Variants in ADAMTSL3 observed in about 807,000 individuals in gnomAD.
The protein encoded by ADAMTSL3 is ADAMTS like 3, also known as ADAMTS-like protein 3.
In ADAMTSL3, 128 loss-of-function variants were observed where a neutral mutation model predicts 201.7. The observed-to-expected ratio is 0.63, with a 90% confidence interval of 0.55 to 0.73. ADAMTSL3 has a LOEUF of 0.73. Among genes scored for constraint, ADAMTSL3 ranks in the 30% least tolerant of loss-of-function variants. ADAMTSL3 has a pLI of 0.00. For synonymous variants in ADAMTSL3, 738 were observed against 748.4 expected, an observed-to-expected ratio of 0.99 and a Z score of 0.23; for missense variants, 1,990 against 2,119.6, an observed-to-expected ratio of 0.94 and a Z score of 1.20.
chr15:83,707,242 G>C (rs2061865955), intron 3 of ADAMTSL3, among the ~76,000 whole-genome samples: 1 of 152,152 alleles, frequency 6.6e-6, no homozygotes, highest in South Asian at 2.1e-4. Context: ...GATTTGGATG[G>C]TATCTACCTT....
chr15:83,661,704 A>G (rs2061166239), intron 2 of ADAMTSL3, among the ~76,000 whole-genome samples: 2 of 152,086 alleles, frequency 1.3e-5, no homozygotes, highest in South Asian at 2.1e-4. Context: ...AGAATCTACA[A>G]TGAACTCAAA....
chr15:83,980,528 G>T (rs2067369255), intron 20 of ADAMTSL3, among the ~76,000 whole-genome samples: 1 of 152,018 alleles, frequency 6.6e-6, no homozygotes, highest in African/African-American at 2.4e-5. Flanking sequence ...GGCTTAACTG[G>T]CTGGGCCATT....
chr15:83,764,936 T>C (rs1392450344), intron 3 of ADAMTSL3, among the ~76,000 whole-genome samples: 2 of 152,064 alleles, frequency 1.3e-5, no homozygotes, highest in African/African-American at 4.8e-5. Context: ...AGGAGCAGAA[T>C]GTGTGTCCTG....
intron 19 of ADAMTSL3, 70 bp downstream of exon 19, chr15:83,943,152 C>T: frequency 6.0e-6 from 9 of 1,499,874 alleles, no homozygotes; most frequent in Non-Finnish European, 8.0e-6. Flanking sequence ...CTAAATATTT[C>T]CACAAGATCA....
chr15:83,736,514 G>T (rs749761870), intron 3 of ADAMTSL3, among the ~76,000 whole-genome samples: 1 of 152,168 alleles, frequency 6.6e-6, no homozygotes, highest in Non-Finnish European at 1.5e-5. Flanking sequence ...AAAGTGGGCA[G>T]TTTATATACA....
chr15:83,880,287 C>T (rs1235159311), intron 9 of ADAMTSL3, among the ~76,000 whole-genome samples: 2 of 152,126 alleles, frequency 1.3e-5, no homozygotes, highest in Non-Finnish European at 2.9e-5. Flanking sequence ...TGTCTAATTT[C>T]CACTTTCTTT....
chr15:83,992,056 G>C (rs2067591277), intron 23 of ADAMTSL3, among the ~76,000 whole-genome samples: 1 of 152,156 alleles, frequency 6.6e-6, no homozygotes, highest in African/African-American at 2.4e-5. Flanking sequence ...GTATGCCTTT[G>C]ATTTCCCTAG....
chr15:83,996,058 A>G (rs560206432), intron 23 of ADAMTSL3, among the ~76,000 whole-genome samples: 1 of 152,322 alleles, frequency 6.6e-6, no homozygotes, highest in East Asian at 1.9e-4. Flanking sequence ...ATTGTTTATA[A>G]ATATAAAAAA....
intron 6 of ADAMTSL3, among the ~76,000 whole-genome samples, chr15:83,826,215 C>T (rs965829076): frequency 6.6e-6 from 1 of 151,968 alleles, no homozygotes; most frequent in African/African-American, 2.4e-5. Context: ...AAGTAATCCT[C>T]CCAACCTAGT....
chr15:83,742,300 A>C (rs950862457), intron 3 of ADAMTSL3, among the ~76,000 whole-genome samples: 1 of 152,264 alleles, frequency 6.6e-6, no homozygotes, highest in African/African-American at 2.4e-5. Flanking sequence ...GAAAATGAAA[A>C]ATTTTCAAAC....
At chr15:83,733,772 A>G (rs866723943) in intron 3 of ADAMTSL3, among the ~76,000 whole-genome samples, 2 of 152,198 alleles carry the variant, frequency 1.3e-5, no homozygotes, top group Admixed American at 6.5e-5. Context: ...TGTTTCATAA[A>G]ATAGGGGACA....
At chr15:84,001,015 T>A (rs1407210738) in intron 23 of ADAMTSL3, among the ~76,000 whole-genome samples, 2 of 152,156 alleles carry the variant, frequency 1.3e-5, no homozygotes, top group African/African-American at 4.8e-5. Flanking sequence ...TCAAAATGGA[T>A]GAAAAATTAG....
rs75409429 is a variant in ADAMTSL3 at position 83,795,397 on chromosome 15, C to G, written c.318-9253C>G. Among the ~76,000 whole-genome samples the G allele has an allele frequency of 9.7e-3, 1,474 of 152,234 alleles. 22 individuals carry two copies. Among genetic ancestry groups the G allele is most frequent in the African/African-American group, 0.033 (1,386 of 41,528 alleles). On this transcript the variant is annotated intron_variant, in intron 4 of 29. Transcript: ENST00000286744. ...GTGCATAACTGATTCTGTGCCTGCC[C>G]TAGTGATGGAGATGGGATTTGATCA... is the stretch of plus-strand genomic sequence containing the variant.
At chr15:84,005,701 G>A (rs2067882595) in intron 23 of ADAMTSL3, among the ~76,000 whole-genome samples, 1 of 152,140 alleles carries the variant, frequency 6.6e-6, no homozygotes, top group East Asian at 1.9e-4. Context: ...ACCAGGAAGA[G>A]GACTTGTTGA....
At chr15:83,866,334 C>T (rs2064975669) in intron 8 of ADAMTSL3, among the ~76,000 whole-genome samples, 1 of 152,184 alleles carries the variant, frequency 6.6e-6, no homozygotes, top group Non-Finnish European at 1.5e-5. Context: ...GCACTATTCA[C>T]AAAAGCAAAG....
rs1285485857 is a variant in ADAMTSL3 at position 83,883,736 on chromosome 15, C to CT, written c.961-1360dup. Among the ~76,000 whole-genome samples, 536 of 149,394 alleles carry CT rather than the reference C, an allele frequency of 3.6e-3. 2 individuals are homozygous for CT. The highest frequency in any genetic ancestry group is 0.012 in the African/African-American group (507 of 40,574). On this transcript the variant is annotated intron_variant, in intron 9 of 29. Coordinates refer to ENST00000286744, the MANE Select transcript of ADAMTSL3 (RefSeq NM_207517.3). ...GCCACCACACCTGGCTAATTTTAAA[C>CT]TTTTTCTTTTGGAGAGATAGGATCT...
intron 15 of ADAMTSL3, 125 bp from the exon 16 acceptor site, chr15:83,912,967 T>C (rs1485727338): frequency 5.1e-6 from 5 of 979,416 alleles, no homozygotes; most frequent in Admixed American, 2.4e-5. Flanking sequence ...AAATTCCAAA[T>C]GTGTGGAATT....
chr15:83,704,952 G>C (rs927691400), intron 3 of ADAMTSL3, among the ~76,000 whole-genome samples: 1 of 141,454 alleles, frequency 7.1e-6, no homozygotes, highest in Non-Finnish European at 1.5e-5. Context: ...GCCTGTGTGT[G>C]CATATGTCTG....
chr15:83,974,998 C>CTTT (rs35557833), intron 20 of ADAMTSL3, among the ~76,000 whole-genome samples: 161 of 96,146 alleles, frequency 1.7e-3, no homozygotes, highest in African/African-American at 2.4e-3. Flanking sequence ...CAGCCTGCGT[C>CTTT]TTTTTTTTTT....
Sources: allele counts gnomAD v4.1 joint callset (sites outside exome capture counted in the v4.1 genomes callset), GRCh38; gene constraint gnomAD v4.1.1; transcripts MANE v1.5; gene names NCBI Gene and HGNC (gene_info 2026-07-23, HGNC 2026-07-21).